The following GRM8 variants were observed in gnomAD, a reference collection of about 807,000 sequenced individuals.
GRM8 encodes the protein glutamate metabotropic receptor 8, also known as metabotropic glutamate receptor 8.
Under a neutral mutation model 87.2 loss-of-function variants are expected in GRM8, and 47 were observed. The observed-to-expected ratio is 0.54, with a 90% CI of 0.43 to 0.69. The LOEUF is 0.69. Ranked by LOEUF, GRM8 falls within the 30% of genes least tolerant of loss-of-function variation. GRM8 has a pLI of 0.00. For synonymous variants in GRM8, 396 were observed against 404.5 expected (o/e 0.98, Z 0.25); for missense variants, 1,019 against 1,139.2 (o/e 0.89, Z 1.52).
At chr7:126,717,970 C>A (rs866709975) in intron 7 of GRM8, among the ~76,000 whole-genome samples, 1 of 152,064 alleles carries the variant, frequency 6.6e-6, no homozygotes, top group South Asian at 2.1e-4. Context: ...TGGTGGCTCA[C>A]ACCTGTAATC....
At chr7:126,806,163 T>C (rs995032203) in intron 6 of GRM8, among the ~76,000 whole-genome samples, 1 of 152,222 alleles carries the variant, frequency 6.6e-6, no homozygotes, top group Admixed American at 6.5e-5. Context: ...GATGTTCAGA[T>C]GTGTCCAGAG....
chr7:127,157,198 G>GA (rs1173678468), intron 2 of GRM8, among the ~76,000 whole-genome samples: 2 of 108,086 alleles, frequency 1.9e-5, no homozygotes, highest in African/African-American at 6.6e-5. Context: ...AAGGAAATGA[G>GA]AACAAATAAG....
chr7:126,917,545 C>T (rs1563314815), intron 3 of GRM8, among the ~76,000 whole-genome samples: 2 of 152,076 alleles, frequency 1.3e-5, no homozygotes, highest in African/African-American at 4.8e-5. Context: ...TCATAATATC[C>T]TAATGCTATC....
At chr7:127,199,316 A>G (rs1795466284) in intron 2 of GRM8, among the ~76,000 whole-genome samples, 1 of 152,260 alleles carries the variant, frequency 6.6e-6, no homozygotes, top group Admixed American at 6.5e-5. Flanking sequence ...AGCCAATTGA[A>G]TGCTTATTAA....
intron 6 of GRM8, among the ~76,000 whole-genome samples, chr7:126,843,306 T>A (rs1420362310): frequency 6.6e-6 from 1 of 151,452 alleles, no homozygotes; most frequent in Non-Finnish European, 1.5e-5. Context: ...AAGGGGACTA[T>A]AAAGTAGAAA....
At chr7:126,793,548 C>T (rs1007006978) in intron 6 of GRM8, among the ~76,000 whole-genome samples, 2 of 152,144 alleles carry the variant, frequency 1.3e-5, no homozygotes, top group Non-Finnish European at 2.9e-5. Context: ...GTTATATAAA[C>T]CTGATTTCCT....
At chr7:126,597,614 A>C (rs1332197163) in intron 8 of GRM8, among the ~76,000 whole-genome samples, 2 of 151,940 alleles carry the variant, frequency 1.3e-5, no homozygotes, top group African/African-American at 4.8e-5. Context: ...AATATCATTT[A>C]TTTTCATTTT....
intron 6 of GRM8, among the ~76,000 whole-genome samples, chr7:126,774,917 T>C (rs1256538693): frequency 6.6e-6 from 1 of 152,154 alleles, no homozygotes; most frequent in African/African-American, 2.4e-5. Flanking sequence ...TTAATTGTCC[T>C]GAAATTAGGC....
chr7:127,063,770 A>G (rs1820846458), intron 3 of GRM8, among the ~76,000 whole-genome samples: 1 of 152,188 alleles, frequency 6.6e-6, no homozygotes, highest in Admixed American at 6.5e-5. Context: ...ATTTAGTGCT[A>G]TGAATTTCCC....
intron 3 of GRM8, among the ~76,000 whole-genome samples, chr7:126,966,426 C>A (rs1011779207): frequency 6.6e-6 from 1 of 152,060 alleles, no homozygotes; most frequent in Non-Finnish European, 1.5e-5. Context: ...TGAGCCACTG[C>A]GCCTGGCCAG....
chr7:126,815,462 G>T (rs1586050279), intron 6 of GRM8, among the ~76,000 whole-genome samples: 1 of 152,076 alleles, frequency 6.6e-6, no homozygotes, highest in Non-Finnish European at 1.5e-5. Flanking sequence ...TACCAACTCT[G>T]CCCTAGATGT....
At chr7:126,819,786 C>T (rs1037853001) in intron 6 of GRM8, among the ~76,000 whole-genome samples, 1 of 151,828 alleles carries the variant, frequency 6.6e-6, no homozygotes, top group Non-Finnish European at 1.5e-5. Context: ...TAAAAAGTCA[C>T]ATTTATATCA....
chr7:127,237,727 G>A (rs1273158264), intron 2 of GRM8, among the ~76,000 whole-genome samples: 3 of 152,134 alleles, frequency 2.0e-5, no homozygotes, highest in Admixed American at 1.3e-4. Context: ...TCCTTCAAGG[G>A]TAGAAAATTA....
chr7:126,524,191 T>C (rs1813477373), intron 9 of GRM8, among the ~76,000 whole-genome samples: 1 of 152,176 alleles, frequency 6.6e-6, no homozygotes. Flanking sequence ...AAAAAAATCC[T>C]TCTGGATCAT....
At chr7:126,477,820 A>C (rs1198317770) in intron 9 of GRM8, among the ~76,000 whole-genome samples, 1 of 152,174 alleles carries the variant, frequency 6.6e-6, no homozygotes, top group Non-Finnish European at 1.5e-5. Context: ...GTTCTAACAA[A>C]TTCACACAAA....
chr7:126,486,054 C>T (rs938907765), intron 9 of GRM8, among the ~76,000 whole-genome samples: 2 of 151,980 alleles, frequency 1.3e-5, no homozygotes, highest in Admixed American at 6.6e-5. Context: ...TAAACAAGCC[C>T]TGGCCTCTAG....
At chr7:126,547,509 C>T (rs1450228617) in intron 8 of GRM8, among the ~76,000 whole-genome samples, 1 of 151,472 alleles carries the variant, frequency 6.6e-6, no homozygotes, top group Non-Finnish European at 1.5e-5. Flanking sequence ...AATTATAATT[C>T]TGGATAATAA....
intron 7 of GRM8, among the ~76,000 whole-genome samples, chr7:126,763,199 T>C (rs1416762882): frequency 6.6e-6 from 1 of 151,598 alleles, no homozygotes; most frequent in Non-Finnish European, 1.5e-5. Flanking sequence ...GAATCAAACA[T>C]GGCATTTTTT....
intron 8 of GRM8, among the ~76,000 whole-genome samples, chr7:126,544,197 A>T (rs1208837188): frequency 2.6e-5 from 4 of 152,208 alleles, no homozygotes; most frequent in African/African-American, 9.6e-5. Context: ...CAACCCCTAT[A>T]TAAGACTTAG....
Sources: allele counts gnomAD v4.1 joint callset (sites outside exome capture counted in the v4.1 genomes callset), GRCh38; gene constraint gnomAD v4.1.1; transcripts MANE v1.5; gene names NCBI Gene and HGNC (gene_info 2026-07-23, HGNC 2026-07-21).